MIR2052HG: variants seen among roughly 807,000 people sequenced by gnomAD.
The protein encoded by MIR2052HG is MIR2052 host gene.
At chr8:74,731,808 T>G (rs1809694905) in intron 4 of MIR2052HG, among the ~76,000 whole-genome samples, 1 of 152,124 alleles carries the variant, frequency 6.6e-6, no homozygotes, top group Admixed American at 6.6e-5. Context: ...GGGTCCTGTC[T>G]TTTTTGTCAC....
chr8:74,604,043 C>T (rs879223442), intron 1 of MIR2052HG: 26 of 969,382 alleles, frequency 2.7e-5, no homozygotes, highest in South Asian at 5.1e-5. Context: ...CCTTTGAAGA[C>T]GGCATTAGCA....
At chr8:74,671,118 G>A (rs892441321) in intron 2 of MIR2052HG, among the ~76,000 whole-genome samples, 2 of 151,078 alleles carry the variant, frequency 1.3e-5, no homozygotes, top group East Asian at 1.9e-4. Context: ...GTGTACGTGT[G>A]TGTGTGTGTG....
chr8:74,683,421 A>T (rs1451571552), intron 2 of MIR2052HG, among the ~76,000 whole-genome samples: 1 of 152,158 alleles, frequency 6.6e-6, no homozygotes, highest in African/African-American at 2.4e-5. Flanking sequence ...TATATAATAC[A>T]GATGTGAGGT....
At position 74,635,265 on chromosome 8, in the gene MIR2052HG, A is replaced by G. The variant is rs147116702; in HGVS notation, n.216+22325A>G. ...ATTTTTTTTTTTTTTTACCGTCAGGAAGGTTTACCTCTAGTGAATTGCATT... is the reference window on the plus strand; with the variant it reads ...ATTTTTTTTTTTTTTTACCGTCAGGGAGGTTTACCTCTAGTGAATTGCATT... On this transcript the variant is annotated intron_variant and non_coding_transcript_variant, in intron 2 of 6. Transcript: ENST00000523442. Among the ~76,000 whole-genome samples, 215 of 151,832 alleles carry G rather than the reference A, an allele frequency of 1.4e-3. 1 individual carries two copies. Among genetic ancestry groups the G allele is most frequent in the African/African-American group, 4.9e-3 (204 of 41,390 alleles).
intron 2 of MIR2052HG, among the ~76,000 whole-genome samples, chr8:74,697,320 A>G (rs1324132543): frequency 6.6e-6 from 1 of 152,178 alleles, no homozygotes; most frequent in Non-Finnish European, 1.5e-5. Flanking sequence ...CCTAGAAGGG[A>G]CATATCTTAA....
intron 4 of MIR2052HG, among the ~76,000 whole-genome samples, chr8:74,747,275 A>G (rs1180736073): frequency 6.6e-6 from 1 of 152,194 alleles, no homozygotes; most frequent in African/African-American, 2.4e-5. Flanking sequence ...ACTGTTTCAT[A>G]AGCTGTTATG....
chr8:74,607,445 C>T (rs144681639), intron 1 of MIR2052HG, among the ~76,000 whole-genome samples: 2,024 of 152,164 alleles, frequency 0.013, 43 homozygotes, highest in African/African-American at 0.045. Context: ...ATCCCCGTCT[C>T]TACTAAAAAT....
chr8:74,664,904 G>A (rs1303444542), intron 2 of MIR2052HG, among the ~76,000 whole-genome samples: 8 of 152,298 alleles, frequency 5.3e-5, no homozygotes, highest in African/African-American at 1.9e-4. Flanking sequence ...ACAAGTCTTT[G>A]CTGAAGATCT....
At chr8:74,726,239 A>T (rs1055777289) in intron 4 of MIR2052HG, among the ~76,000 whole-genome samples, 1 of 152,174 alleles carries the variant, frequency 6.6e-6, no homozygotes, top group African/African-American at 2.4e-5. Flanking sequence ...AGTGTATAAA[A>T]CCATGACCAC....
intron 4 of MIR2052HG, among the ~76,000 whole-genome samples, chr8:74,725,375 C>T (rs1809623131): frequency 6.6e-6 from 1 of 152,184 alleles, no homozygotes; most frequent in South Asian, 2.1e-4. Flanking sequence ...AACCTGCAAC[C>T]TTGTATGATT....
At chr8:74,710,408 C>A (rs182316528) in intron 4 of MIR2052HG, among the ~76,000 whole-genome samples, 4 of 152,168 alleles carry the variant, frequency 2.6e-5, no homozygotes, top group Middle Eastern at 3.4e-3. Context: ...AAATGTGAGG[C>A]AACTTGGGGA....
chr8:74,688,202 G>A (rs17269924), intron 2 of MIR2052HG, among the ~76,000 whole-genome samples: 35,528 of 152,072 alleles, frequency 0.23, 5,342 homozygotes, highest in East Asian at 0.65. Context: ...ATGTGGCCTG[G>A]GAGTGTTTAG....
At chr8:74,657,486 T>C (rs1808818485) in intron 2 of MIR2052HG, among the ~76,000 whole-genome samples, 2 of 152,136 alleles carry the variant, frequency 1.3e-5, no homozygotes, top group South Asian at 2.1e-4. Context: ...CAGGAGTCTA[T>C]TAGAAATGCC....
At chr8:74,677,671 T>G (rs1225815150) in intron 2 of MIR2052HG, among the ~76,000 whole-genome samples, 1 of 152,108 alleles carries the variant, frequency 6.6e-6, no homozygotes, top group Non-Finnish European at 1.5e-5. Context: ...TATCAAGACT[T>G]ATAGTATAGT....
chr8:74,657,744 C>A (rs1051980856), intron 2 of MIR2052HG, among the ~76,000 whole-genome samples: 2 of 152,212 alleles, frequency 1.3e-5, no homozygotes, highest in African/African-American at 4.8e-5. Context: ...AGACTTTTCA[C>A]TATCATGAGA....
At chr8:74,651,202 G>T (rs73337290) in intron 2 of MIR2052HG, among the ~76,000 whole-genome samples, 38 of 151,830 alleles carry the variant, frequency 2.5e-4, no homozygotes, top group African/African-American at 8.9e-4. Flanking sequence ...TTGGGAACTG[G>T]TTGTTTTTAA....
At chr8:74,625,769 A>G (rs956307643) in intron 2 of MIR2052HG, among the ~76,000 whole-genome samples, 3 of 152,224 alleles carry the variant, frequency 2.0e-5, no homozygotes, top group Admixed American at 1.3e-4. Flanking sequence ...CCTTTCATTG[A>G]CAAATGTAAT....
chr8:74,604,186 A>G (rs2128730460), intron 1 of MIR2052HG: 2 of 894,886 alleles, frequency 2.2e-6, no homozygotes, highest in South Asian at 1.3e-5. Context: ...CTTTCCATGC[A>G]TAAGTAGTCG....
At chr8:74,652,490 C>A (rs907044355) in intron 2 of MIR2052HG, among the ~76,000 whole-genome samples, 2 of 152,138 alleles carry the variant, frequency 1.3e-5, no homozygotes, top group Non-Finnish European at 2.9e-5. Context: ...AATTTATTAC[C>A]TCAAATTATT....
Sources: gnomAD v4.1 joint callset for allele counts (sites outside exome capture counted in the v4.1 genomes callset) on GRCh38, gnomAD v4.1.1 for gene constraint, MANE v1.5 for transcripts, NCBI Gene and HGNC (gene_info 2026-07-23, HGNC 2026-07-21) for gene names.